NUDT3: variants seen among roughly 807,000 people sequenced by gnomAD.
The protein encoded by NUDT3 is nudix hydrolase 3, also known as diphosphoinositol polyphosphate phosphohydrolase 1.
NUDT3 carries 9 observed loss-of-function variants against 23.6 expected under a neutral mutation model. The ratio of observed to expected loss-of-function variants is 0.38; its 90% confidence interval spans 0.23 to 0.66. The LOEUF (loss-of-function observed/expected upper bound fraction) is 0.66, where lower values mean the gene tolerates loss of function less well. Ranked by LOEUF, NUDT3 falls within the 30% of genes least tolerant of loss-of-function variation. The pLI is 0.52. For missense variants in NUDT3, 172 were observed against 218.5 expected (o/e 0.79, Z 1.34); for synonymous variants, 86 against 82.6 (o/e 1.04, Z -0.22).
At chr6:34,325,973 T>C (rs1439097368) in intron 2 of NUDT3, among the ~76,000 whole-genome samples, 1 of 152,276 alleles carries the variant, frequency 6.6e-6, no homozygotes, top group East Asian at 1.9e-4. Flanking sequence ...TTCTCAACTT[T>C]TCATTTTGAA....
rs182343848 is a variant in NUDT3 at position 34,365,384 on chromosome 6, G to A, written c.100-23412C>T. On this transcript the variant is annotated intron_variant, in intron 1 of 4. Coordinates refer to ENST00000607016, the MANE Select transcript of NUDT3 (RefSeq NM_006703.4). ...GCAGAGGTTGCAGTGAACCAAGATCGCGCCACTGCACTCCAGCCTGGCAAC... is the reference window on the plus strand; with the variant it reads ...GCAGAGGTTGCAGTGAACCAAGATCACGCCACTGCACTCCAGCCTGGCAAC... Among the ~76,000 whole-genome samples the A allele has an allele frequency of 7.5e-4, 113 of 151,582 alleles. No individual in the cohort carries two copies. The East Asian group carries it at 0.011, about 15-fold the overall frequency.
At chr6:34,354,247 G>C (rs1199314566) in intron 1 of NUDT3, among the ~76,000 whole-genome samples, 4 of 151,844 alleles carry the variant, frequency 2.6e-5, no homozygotes, top group East Asian at 1.9e-4. Flanking sequence ...CTGGACTCAC[G>C]GGATCCACCC....
At chr6:34,309,819 T>G (rs1433687650) in intron 2 of NUDT3, among the ~76,000 whole-genome samples, 1 of 152,164 alleles carries the variant, frequency 6.6e-6, no homozygotes, top group African/African-American at 2.4e-5. Flanking sequence ...AACAACCCTG[T>G]GCCCATGGAT....
At chr6:34,318,199 G>C (rs964075460) in intron 2 of NUDT3, among the ~76,000 whole-genome samples, 1 of 152,024 alleles carries the variant, frequency 6.6e-6, no homozygotes, top group Non-Finnish European at 1.5e-5. Flanking sequence ...GAATTCTTGG[G>C]GGAAAGGATG....
chr6:34,333,446 T>C (rs541585677), intron 2 of NUDT3, among the ~76,000 whole-genome samples: 29 of 151,322 alleles, frequency 1.9e-4, no homozygotes, highest in African/African-American at 6.3e-4. Flanking sequence ...GAGAACTTGA[T>C]AACCTATGAA....
At chr6:34,390,538 AT>A (rs941245819) in intron 1 of NUDT3, among the ~76,000 whole-genome samples, 5 of 150,694 alleles carry the variant, frequency 3.3e-5, no homozygotes, top group South Asian at 2.1e-4. Context: ...TATTATTATT[AT>A]TTTTTTTTAT....
chr6:34,296,298 G>T (rs1282613746), intron 2 of NUDT3, among the ~76,000 whole-genome samples: 1 of 151,008 alleles, frequency 6.6e-6, no homozygotes, highest in Non-Finnish European at 1.5e-5. Flanking sequence ...AATTGGTTGG[G>T]TACTATGGCT....
chr6:34,383,126 CAAAAAAAA>C lies in NUDT3; in HGVS notation c.99+9130_99+9137del, dbSNP rs557348971. Reference sequence around the variant, plus strand: ...TGGGTGACAGGGCAAGACTCCATCTCAAAAAAAAAAAAAAAAAGGAAAAAAGAAAAATC... The same window carrying C: ...TGGGTGACAGGGCAAGACTCCATCTCAAAAAAAAAGGAAAAAAGAAAAATC... On this transcript the variant is annotated intron_variant, in intron 1 of 4. Coordinates refer to ENST00000607016, the MANE Select transcript of NUDT3 (RefSeq NM_006703.4). Among the ~76,000 whole-genome samples, 4 of 65,036 alleles carry C rather than the reference CAAAAAAAA, an allele frequency of 6.2e-5. No homozygotes were observed. The South Asian group carries it at 1.8e-3, about 30-fold the overall frequency. 42.7% of individuals were successfully genotyped at this position (65,036 alleles called of 152,430 possible). A position where few individuals can be genotyped will look rare whatever the true frequency, so the allele number is the denominator to read the frequency against.
chr6:34,389,807 C>CA (rs1765166053), intron 1 of NUDT3, among the ~76,000 whole-genome samples: 1 of 151,918 alleles, frequency 6.6e-6, no homozygotes, highest in South Asian at 2.1e-4. Flanking sequence ...ACTAAAAATA[C>CA]AAAAAAATTA....
rs949827738 is a variant in NUDT3, at chr6:34,392,555, C to T, written c.-193G>A. ...CCCCCAGGCCCAGGTCCCGCGCCGC[C>T]GCTGCCACCGTCACGGCTGCCGTCT... On this transcript the variant is annotated 5_prime_UTR_variant, in exon 1 of 5. Coordinates refer to ENST00000607016, the MANE Select transcript of NUDT3 (RefSeq NM_006703.4). The T allele has an allele frequency of 7.9e-6, 3 of 379,668 alleles. No individual in the cohort carries two copies. Among genetic ancestry groups the T allele is most frequent in the Non-Finnish European group, 1.4e-5 (3 of 213,140 alleles). The allele number at this position is 379,668 out of a possible 1,614,324, so 23.5% of individuals were successfully genotyped here.
At chr6:34,308,119 CAAAAAAAAAAAAAAAAAAAAAAA>C (rs533055608) in intron 2 of NUDT3, among the ~76,000 whole-genome samples, 57 of 60,110 alleles carry the variant, frequency 9.5e-4, no homozygotes, top group East Asian at 1.9e-3. Context: ...AACTCTGTCT[CAAAAAAAAAAAAAAAAAAAAAAA>C]AAAAAAAAAA....
chr6:34,319,844 G>A (rs1365618470), intron 2 of NUDT3, among the ~76,000 whole-genome samples: 3 of 152,142 alleles, frequency 2.0e-5, no homozygotes, highest in Admixed American at 2.0e-4. Flanking sequence ...CCTGCCTTGG[G>A]CAGGTAAAAG....
At chr6:34,355,463 G>C (rs563077892) in intron 1 of NUDT3, among the ~76,000 whole-genome samples, 1 of 152,000 alleles carries the variant, frequency 6.6e-6, no homozygotes, top group African/African-American at 2.4e-5. Flanking sequence ...CTCTGTTCAC[G>C]AAGGATACAG....
chr6:34,336,999 CATTTCAAGTCTCCG>C (rs1764218085), intron 2 of NUDT3, among the ~76,000 whole-genome samples: 1 of 152,200 alleles, frequency 6.6e-6, no homozygotes, highest in South Asian at 2.1e-4. Context: ...CATCTATCAA[CATTTCAAGTCTCCG>C]ATTTCAAGTC....
chr6:34,335,391 T>A (rs893068030), intron 2 of NUDT3, among the ~76,000 whole-genome samples: 1 of 152,178 alleles, frequency 6.6e-6, no homozygotes, highest in Non-Finnish European at 1.5e-5. Context: ...TAGAATTAAA[T>A]ATAAAAATGT....
chr6:34,350,103 A>G (rs1005288332), intron 1 of NUDT3, among the ~76,000 whole-genome samples: 2 of 150,766 alleles, frequency 1.3e-5, no homozygotes, highest in African/African-American at 2.5e-5. Context: ...AAAAAGAAAA[A>G]AAAGAAAAGA....
intron 1 of NUDT3, among the ~76,000 whole-genome samples, chr6:34,370,597 T>C (rs1029778097): frequency 1.3e-5 from 2 of 152,154 alleles, no homozygotes; most frequent in Non-Finnish European, 1.5e-5. Context: ...GAGCCAAATA[T>C]GGGAAACCAA....
intron 2 of NUDT3, among the ~76,000 whole-genome samples, chr6:34,316,855 T>G (rs1763869289): frequency 6.6e-6 from 1 of 152,128 alleles, no homozygotes; most frequent in South Asian, 2.1e-4. Context: ...TTAGAAAGCC[T>G]TTGAGTGACA....
At chr6:34,313,472 C>G (rs1462613354) in intron 2 of NUDT3, among the ~76,000 whole-genome samples, 2 of 151,992 alleles carry the variant, frequency 1.3e-5, no homozygotes, top group Non-Finnish European at 2.9e-5. Flanking sequence ...AAGTACAACA[C>G]CAAGAGGGAA....
Sources: gnomAD v4.1 joint callset for allele counts (sites outside exome capture counted in the v4.1 genomes callset) on GRCh38, gnomAD v4.1.1 for gene constraint, MANE v1.5 for transcripts, NCBI Gene and HGNC (gene_info 2026-07-23, HGNC 2026-07-21) for gene names.